The following SGK3 variants were observed in gnomAD, a reference collection of about 807,000 sequenced individuals.
SGK3 encodes the protein serum/glucocorticoid regulated kinase family member 3.
SGK3 carries 47 observed loss-of-function variants against 68.5 expected under a neutral mutation model. The ratio of observed to expected loss-of-function variants is 0.69; its 90% confidence interval spans 0.54 to 0.87. The LOEUF is 0.87. Ranked by LOEUF, SGK3 falls within the 40% of genes least tolerant of loss-of-function variation. The pLI is 0.00. For missense variants in SGK3, 479 were observed against 575.5 expected, an observed-to-expected ratio of 0.83 and a Z score of 1.72; for synonymous variants, 181 against 189.1, an observed-to-expected ratio of 0.96 and a Z score of 0.35.
intron 4 of SGK3, among the ~76,000 whole-genome samples, chr8:66,807,372 A>AGACTG (rs1808210260): frequency 6.6e-6 from 1 of 152,220 alleles, no homozygotes; most frequent in South Asian, 2.1e-4. Flanking sequence ...AAGGAAAGAA[A>AGACTG]GCAAAGAAGT....
At chr8:66,718,806 G>A (rs1804717722) in intron 1 of SGK3, among the ~76,000 whole-genome samples, 1 of 152,016 alleles carries the variant, frequency 6.6e-6, no homozygotes, top group Non-Finnish European at 1.5e-5. Context: ...GGAATTACAG[G>A]TGTGTGCCAC....
intron 1 of SGK3, among the ~76,000 whole-genome samples, chr8:66,722,754 T>G (rs1350521561): frequency 1.3e-5 from 2 of 152,148 alleles, no homozygotes; most frequent in Admixed American, 1.3e-4. Flanking sequence ...AATTGGCCCA[T>G]GGTTCTGCAG....
rs1806254443 is a variant in SGK3, at chr8:66,764,297, A to ATTTTGAAGTTAT, written c.-121-29316_-121-29305dup. ...ATTCCACTAGGGAAAGATATCCTTT[A>ATTTTGAAGTTAT]TTTTGAAGTTATTTGAAGGAATTCC... On this transcript the variant is annotated intron_variant, in intron 1 of 16. Transcript: ENST00000521198. 2.0e-5 allele frequency among the ~76,000 whole-genome samples: 3 copies of ATTTTGAAGTTAT among 151,520 alleles called. No individual in the cohort carries two copies. The South Asian group carries it at 6.3e-4, about 32-fold the overall frequency.
At chr8:66,735,210 GCC>G (rs1347278900) in intron 1 of SGK3, among the ~76,000 whole-genome samples, 3 of 152,172 alleles carry the variant, frequency 2.0e-5, no homozygotes, top group Admixed American at 1.3e-4. Flanking sequence ...AGGATAAGTG[GCC>G]AATAGTGTAG....
At chr8:66,767,422 G>A (rs1806351531) in intron 1 of SGK3, 2 of 1,330,772 alleles carry the variant, frequency 1.5e-6, no homozygotes, top group Non-Finnish European at 2.2e-6. Context: ...AGAGCAAACA[G>A]GTGGCAATTC....
At chr8:66,822,076 A>G (rs1808858190) in intron 5 of SGK3, among the ~76,000 whole-genome samples, 1 of 150,998 alleles carries the variant, frequency 6.6e-6, no homozygotes, top group African/African-American at 2.4e-5. Flanking sequence ...TATCATTTTA[A>G]CTTATATTTC....
intron 3 of SGK3, among the ~76,000 whole-genome samples, chr8:66,801,686 CCCACATACA>C (rs1188331857): frequency 6.6e-6 from 1 of 151,856 alleles, no homozygotes; most frequent in Non-Finnish European, 1.5e-5. Flanking sequence ...ACACACACAC[CCCACATACA>C]CCACATACAT....
At chr8:66,848,400 G>C (rs1330820011) in intron 15 of SGK3, among the ~76,000 whole-genome samples, 1 of 152,134 alleles carries the variant, frequency 6.6e-6, no homozygotes, top group Non-Finnish European at 1.5e-5. Flanking sequence ...CTTCCTCTCT[G>C]TATTAACTAT....
chr8:66,789,152 T>C lies in SGK3; in HGVS notation c.-121-4464T>C, dbSNP rs186272903. On this transcript the variant is annotated intron_variant, in intron 1 of 16. Transcript: ENST00000521198. Reference sequence around the variant, plus strand: ...AAAAAAAAAAACACTACATTTAGAATCTCAGAATCTCATTTGTAATTGGTA... The same window carrying C: ...AAAAAAAAAAACACTACATTTAGAACCTCAGAATCTCATTTGTAATTGGTA... Among the ~76,000 whole-genome samples, 60 of 151,992 alleles carry C rather than the reference T, an allele frequency of 3.9e-4. No individual in the cohort carries two copies. In the East Asian group the frequency reaches 0.011, roughly 28 times the overall value.
At chr8:66,741,448 T>G (rs1805477060) in intron 1 of SGK3, among the ~76,000 whole-genome samples, 1 of 151,760 alleles carries the variant, frequency 6.6e-6, no homozygotes, top group South Asian at 2.1e-4. Flanking sequence ...TCGGGAGGCC[T>G]CTGAGGCATG....
At chr8:66,835,922 G>A (rs770880958) in intron 9 of SGK3, 21 bp from the exon 10 acceptor site, 24 of 1,612,198 alleles carry the variant, frequency 1.5e-5, no homozygotes, top group Admixed American at 5.0e-5. Context: ...TAATACAATT[G>A]ATCTTTTGCC....
chr8:66,839,894 T>C, intron 10 of SGK3, 109 bp from the exon 11 acceptor site: 1 of 1,038,868 alleles, frequency 9.6e-7, no homozygotes, highest in South Asian at 1.7e-5. Flanking sequence ...ACATTCAAAG[T>C]AACAAAGAAC....
chr8:66,818,058 A>G (rs1808665973), intron 5 of SGK3, among the ~76,000 whole-genome samples: 1 of 152,164 alleles, frequency 6.6e-6, no homozygotes, highest in Non-Finnish European at 1.5e-5. Flanking sequence ...GATCCAGGCT[A>G]CAGTGAGCTG....
At chr8:66,827,594 C>T (rs1251746873) in intron 6 of SGK3, among the ~76,000 whole-genome samples, 5 of 151,948 alleles carry the variant, frequency 3.3e-5, no homozygotes, top group Non-Finnish European at 5.9e-5. Flanking sequence ...TTTACTGACA[C>T]GTGGCTTTTA....
intron 1 of SGK3, among the ~76,000 whole-genome samples, chr8:66,734,719 G>C (rs1173153216): frequency 6.6e-6 from 1 of 152,084 alleles, no homozygotes; most frequent in Non-Finnish European, 1.5e-5. Context: ...GGCTGAGGTG[G>C]GCAGATCACT....
intron 1 of SGK3, among the ~76,000 whole-genome samples, chr8:66,768,342 G>A (rs897706834): frequency 4.0e-5 from 6 of 150,540 alleles, no homozygotes; most frequent in Admixed American, 6.6e-5. Flanking sequence ...CCAGAAATCT[G>A]GAATAACTTT....
chr8:66,730,364 A>T (rs757359995), intron 1 of SGK3, among the ~76,000 whole-genome samples: 1 of 152,064 alleles, frequency 6.6e-6, no homozygotes, highest in African/African-American at 2.4e-5. Context: ...CCCTTATGAG[A>T]GATATAATTT....
At position 66,812,513 on chromosome 8, in the gene SGK3, G is replaced by A. The variant is rs1233661483; in HGVS notation, c.254-1340G>A. ...GTGAAGTTTGCAGTGAGCTGAGATC[G>A]CGCCACTGCACTCCAGCCTGGGTGA... On this transcript the variant is annotated intron_variant, in intron 4 of 16. Transcript: ENST00000521198. 2.6e-5 allele frequency among the ~76,000 whole-genome samples: 4 copies of A among 151,662 alleles called. No homozygotes were observed. In the East Asian group the frequency reaches 5.8e-4, roughly 22 times the overall value.
chr8:66,801,658 T>G (rs547516164), intron 3 of SGK3, among the ~76,000 whole-genome samples: 374 of 133,876 alleles, frequency 2.8e-3, no homozygotes, highest in Non-Finnish European at 4.5e-3. Context: ...CCTCTCTCTT[T>G]CTCTCTCTCT....
Sources: allele counts gnomAD v4.1 joint callset (sites outside exome capture counted in the v4.1 genomes callset), GRCh38; gene constraint gnomAD v4.1.1; transcripts MANE v1.5; gene names NCBI Gene and HGNC (gene_info 2026-07-23, HGNC 2026-07-21).